Variants in TENM3 observed in about 807,000 individuals in gnomAD.
The protein encoded by TENM3 is teneurin-3.
Under a neutral mutation model 255.1 loss-of-function variants are expected in TENM3, and 63 were observed. The observed-to-expected ratio is 0.25, with a 90% CI of 0.20 to 0.30. TENM3 has a LOEUF of 0.30. Ranked by LOEUF, TENM3 falls within the 10% of genes least tolerant of loss-of-function variation. The pLI is 1.00. For missense variants in TENM3, 2,929 were observed against 3,461.1 expected, an observed-to-expected ratio of 0.85 and a Z score of 3.86; for synonymous variants, 1,306 against 1,322.3, an observed-to-expected ratio of 0.99 and a Z score of 0.27.
In TENM3 at chr4:182,587,674, G is replaced by A. The variant is rs572254986; in HGVS notation, c.512-13250G>A. ...GATCTGCCCACCTCGGCCTGCCAAA[G>A]TTCTGGGATTACTGATACGGGCCAC... On this transcript the variant is annotated intron_variant, in intron 3 of 27. Coordinates refer to ENST00000511685, the MANE Select transcript of TENM3 (RefSeq NM_001080477.4). 1.3e-3 allele frequency among the ~76,000 whole-genome samples: 198 copies of A among 152,176 alleles called. 1 individual carries two copies. The highest frequency in any genetic ancestry group is 4.5e-3 in the African/African-American group (188 of 41,528).
At chr4:182,511,884 A>G (rs982240475) in intron 3 of TENM3, among the ~76,000 whole-genome samples, 1 of 152,194 alleles carries the variant, frequency 6.6e-6, no homozygotes, top group Non-Finnish European at 1.5e-5. Flanking sequence ...TACATGTATT[A>G]TATCATTAAA....
the TENM3 span, among the ~76,000 whole-genome samples, chr4:182,015,364 C>T: frequency 6.4e-4 from 97 of 152,222 alleles, 2 homozygotes; most frequent in Middle Eastern, 0.01. Context: ...ATGTTAATAT[C>T]AGAGATGGAG....
chr4:182,009,132 T>G, the TENM3 span, among the ~76,000 whole-genome samples: 246 of 152,164 alleles, frequency 1.6e-3, no homozygotes, highest in African/African-American at 5.8e-3. Context: ...ACCTCTGACC[T>G]CAAGGGGCAC....
At chr4:182,075,749 GC>G in the TENM3 span, among the ~76,000 whole-genome samples, 1 of 152,096 alleles carries the variant, frequency 6.6e-6, no homozygotes, top group Non-Finnish European at 1.5e-5. Flanking sequence ...AAATGTTTCA[GC>G]CCTGCACTCA....
At chr4:182,400,037 T>C (rs927420097) in intron 3 of TENM3, among the ~76,000 whole-genome samples, 1 of 152,208 alleles carries the variant, frequency 6.6e-6, no homozygotes, top group Non-Finnish European at 1.5e-5. Context: ...TCTTAAGATA[T>C]TGAAAATATT....
the TENM3 span, among the ~76,000 whole-genome samples, chr4:181,526,584 C>T: frequency 6.6e-6 from 1 of 152,090 alleles, no homozygotes; most frequent in Admixed American, 6.5e-5. Flanking sequence ...TAGGTGCATG[C>T]TCTGGTCCTT....
intron 5 of TENM3, among the ~76,000 whole-genome samples, chr4:182,638,748 G>A (rs1204699492): frequency 6.6e-6 from 1 of 152,092 alleles, no homozygotes; most frequent in Non-Finnish European, 1.5e-5. Flanking sequence ...GCTCTGTCCT[G>A]GGATTGTCTT....
intron 3 of TENM3, among the ~76,000 whole-genome samples, chr4:182,570,842 A>AC (rs913022985): frequency 2.0e-5 from 3 of 151,460 alleles, no homozygotes; most frequent in Non-Finnish European, 3.0e-5. Context: ...AAAAAAAAAC[A>AC]AAACAAACAA....
the TENM3 span, among the ~76,000 whole-genome samples, chr4:181,865,556 T>C: frequency 6.6e-6 from 1 of 152,192 alleles, no homozygotes; most frequent in Non-Finnish European, 1.5e-5. Context: ...CCCGCATGCC[T>C]ACACAGAGGA....
At chr4:181,483,000 T>C in the TENM3 span, among the ~76,000 whole-genome samples, 248 of 152,224 alleles carry the variant, frequency 1.6e-3, 5 homozygotes, top group Admixed American at 0.015. Context: ...GTGACACCAT[T>C]CTTTGGGCAT....
At chr4:182,000,388 T>C in the TENM3 span, among the ~76,000 whole-genome samples, 1 of 152,006 alleles carries the variant, frequency 6.6e-6, no homozygotes, top group Admixed American at 6.6e-5. Context: ...GAATCGGTTC[T>C]CCCAAAGCAT....
At position 182,730,223 on chromosome 4, in the gene TENM3, A is replaced by G; in HGVS notation, c.2609A>G (p.Gln870Arg). ...AGCCTTGCATCTGTCATCAGAGGCC[A>G]AGTACTGACTGCTGATGGAACTCCA... ...NKSLASVIRG[Q>R]VLTADGTPLI... Residue 870 changes from glutamine (Q) to arginine (R), a missense_variant, in exon 15 of 28, where the codon CAA becomes CGA. Physicochemically the swap from Gln to Arg is conservative, Grantham distance 43. Transcript: ENST00000511685. 1.2e-6 allele frequency: 2 copies of G among 1,613,894 alleles called. No individual in the cohort carries two copies. Among genetic ancestry groups the G allele is most frequent in the Non-Finnish European group, 1.7e-6 (2 of 1,179,824 alleles).
upstream of TENM3, among the ~76,000 whole-genome samples, chr4:182,240,107 GA>G (rs567787785): frequency 2.3e-4 from 35 of 152,310 alleles, no homozygotes; most frequent in East Asian, 6.8e-3. Flanking sequence ...TCTATGGGGA[GA>G]AAAAGTGGAT....
chr4:182,325,742 G>GA (rs199738380), intron 2 of TENM3, among the ~76,000 whole-genome samples: 3,468 of 146,890 alleles, frequency 0.024, 116 homozygotes, highest in African/African-American at 0.079. Context: ...GTTGGAAAAC[G>GA]AAAAAAAAAT....
At chr4:182,464,220 A>G (rs1200673525) in intron 3 of TENM3, among the ~76,000 whole-genome samples, 3 of 137,556 alleles carry the variant, frequency 2.2e-5, no homozygotes, top group Non-Finnish European at 5.0e-5. Context: ...AGAAGTCGAT[A>G]TTATTATAAC....
intron 1 of TENM3, among the ~76,000 whole-genome samples, chr4:182,179,620 G>A (rs1484375094): frequency 6.6e-6 from 1 of 152,134 alleles, no homozygotes; most frequent in Non-Finnish European, 1.5e-5. Context: ...ACAACAAAAT[G>A]TACTGAAAAC....
At chr4:181,605,597 G>C in the TENM3 span, among the ~76,000 whole-genome samples, 2 of 123,518 alleles carry the variant, frequency 1.6e-5, no homozygotes, top group Non-Finnish European at 3.6e-5. Flanking sequence ...AAGAAAGAAA[G>C]AAAGAAAGAA....
At chr4:182,334,810 C>T (rs183683155) in intron 2 of TENM3, among the ~76,000 whole-genome samples, 32 of 152,030 alleles carry the variant, frequency 2.1e-4, no homozygotes, top group African/African-American at 7.5e-4. Flanking sequence ...GGATTAAAGA[C>T]AAATGTAAAA....
chr4:182,723,920 T>C (rs2309704), intron 13 of TENM3, among the ~76,000 whole-genome samples: 152,097 of 152,358 alleles, frequency 1, 75,918 homozygotes, highest in Non-Finnish European at 1. Context: ...TACAAAATAA[T>C]TTCGCCAGCC....
Sources: allele counts gnomAD v4.1 joint callset (sites outside exome capture counted in the v4.1 genomes callset), GRCh38; gene constraint gnomAD v4.1.1; transcripts MANE v1.5; gene names NCBI Gene and HGNC (gene_info 2026-07-23, HGNC 2026-07-21).